Variants in INTS9 observed in about 807,000 individuals in gnomAD.
The protein encoded by INTS9 is protein related to CPSF subunits of 74 kDa.
Under a neutral mutation model 79.7 loss-of-function variants are expected in INTS9, and 55 were observed. That is an observed-to-expected ratio of 0.69 (90% CI 0.56 to 0.86). INTS9 has a LOEUF of 0.86. Ranked by LOEUF, INTS9 falls within the 40% of genes least tolerant of loss-of-function variation. The pLI, the probability that INTS9 is intolerant of heterozygous loss-of-function variation, is 0.00. For synonymous variants in INTS9, 319 were observed against 325.2 expected (o/e 0.98, Z 0.20); for missense variants, 721 against 831.5 (o/e 0.87, Z 1.64).
intron 1 of INTS9, among the ~76,000 whole-genome samples, chr8:28,868,984 A>G (rs2131329584): frequency 6.6e-6 from 1 of 152,158 alleles, no homozygotes; most frequent in South Asian, 2.1e-4. Context: ...CTTTAATCCC[A>G]GCTACTTGGG....
At chr8:28,883,477 T>C (rs1563320973) in intron 1 of INTS9, among the ~76,000 whole-genome samples, 2 of 152,176 alleles carry the variant, frequency 1.3e-5, no homozygotes, top group East Asian at 3.8e-4. Context: ...AACAGCATCA[T>C]TGGCAAGGGT....
intron 11 of INTS9, among the ~76,000 whole-genome samples, chr8:28,781,396 G>A (rs241195): frequency 0.61 from 93,315 of 152,070 alleles, 30,570 homozygotes; most frequent in Non-Finnish European, 0.73. Context: ...ACCAAATGCT[G>A]ACAAGGATAT....
chr8:28,802,921 G>A (rs1312406325), intron 8 of INTS9, among the ~76,000 whole-genome samples: 2 of 147,976 alleles, frequency 1.4e-5, no homozygotes, highest in Non-Finnish European at 3.0e-5. Flanking sequence ...ACCACCCTGG[G>A]CAACATGGTA....
At chr8:28,802,512 A>T (rs1804578830) in intron 8 of INTS9, among the ~76,000 whole-genome samples, 1 of 152,202 alleles carries the variant, frequency 6.6e-6, no homozygotes, top group South Asian at 2.1e-4. Context: ...TATGGGAAGG[A>T]AACAGCCCAT....
intron 6 of INTS9, among the ~76,000 whole-genome samples, chr8:28,827,332 C>A (rs1481807039): frequency 1.3e-5 from 2 of 152,164 alleles, no homozygotes; most frequent in Non-Finnish European, 2.9e-5. Flanking sequence ...CTTCATCCTG[C>A]CAGCAAAAGC....
chr8:28,812,248 C>T, intron 8 of INTS9, 79 bp downstream of exon 8: 1 of 1,385,724 alleles, frequency 7.2e-7, no homozygotes, highest in Non-Finnish European at 1.0e-6. Context: ...TTAAAAATGG[C>T]TGATGGTTCC....
intron 16 of INTS9, 75 bp downstream of exon 16, chr8:28,769,814 A>G (rs1802421545): frequency 3.2e-6 from 5 of 1,569,980 alleles, no homozygotes; most frequent in Non-Finnish European, 4.3e-6. Flanking sequence ...CACTCCCTGC[A>G]GCCAGGGGGC....
intron 8 of INTS9, among the ~76,000 whole-genome samples, chr8:28,805,665 T>C (rs1193690134): frequency 2.6e-5 from 4 of 151,890 alleles, no homozygotes; most frequent in East Asian, 3.8e-4. Context: ...TGAGGGGAGA[T>C]AGGGGAGATG....
At chr8:28,776,939 G>GA (rs554460189) in intron 13 of INTS9, among the ~76,000 whole-genome samples, 9 of 152,172 alleles carry the variant, frequency 5.9e-5, no homozygotes, top group Non-Finnish European at 1.0e-4. Flanking sequence ...TTGGGGTAGC[G>GA]AATCACTGTA....
rs769131992 is a variant in INTS9, at chr8:28,860,475, C to CT, written c.10-913dup. ...AATCCACTAGCAAGTCCATTCTCTC[C>CT]TTTTTTTTTTTTTTCCCTTGAGATG... On this transcript the variant is annotated intron_variant, in intron 1 of 16. Transcript: ENST00000521022. 8.2e-3 allele frequency among the ~76,000 whole-genome samples: 1,177 copies of CT among 143,854 alleles called. 12 individuals are homozygous for CT. The highest frequency in any genetic ancestry group is 0.015 in the African/African-American group (579 of 39,532). 94.4% of individuals were successfully genotyped at this position (143,854 alleles called of 152,430 possible). A position where few individuals can be genotyped will look rare whatever the true frequency, so the allele number is the denominator to read the frequency against.
chr8:28,782,599 T>C (rs1803346778), intron 11 of INTS9, among the ~76,000 whole-genome samples: 1 of 152,240 alleles, frequency 6.6e-6, no homozygotes, highest in East Asian at 1.9e-4. Flanking sequence ...AGAAATGTGA[T>C]GTCCTGGTAA....
intron 4 of INTS9, 38 bp from the exon 5 acceptor site, chr8:28,837,814 G>A: frequency 6.4e-7 from 1 of 1,570,896 alleles, no homozygotes; most frequent in East Asian, 2.3e-5. Flanking sequence ...TATCTGTTCA[G>A]GGATCGATCA....
intron 6 of INTS9, among the ~76,000 whole-genome samples, chr8:28,819,966 G>A (rs543327382): frequency 0.025 from 3,731 of 152,248 alleles, 60 homozygotes; most frequent in Non-Finnish European, 0.037. Flanking sequence ...CAGAGACAAG[G>A]ATTGCAACCC....
At chr8:28,843,726 C>T (rs1210908283) in intron 4 of INTS9, among the ~76,000 whole-genome samples, 1 of 151,250 alleles carries the variant, frequency 6.6e-6, no homozygotes, top group East Asian at 1.9e-4. Context: ...TTTCTTCTTC[C>T]TTTTTCTTTT....
chr8:28,768,828 T>C (rs1802360025), intron 16 of INTS9, among the ~76,000 whole-genome samples: 2 of 152,242 alleles, frequency 1.3e-5, no homozygotes, highest in African/African-American at 4.8e-5. Flanking sequence ...AAAGGAGGCA[T>C]GTGCCTGAAA....
chr8:28,849,580 C>T (rs1202343463), intron 3 of INTS9, among the ~76,000 whole-genome samples: 1 of 151,750 alleles, frequency 6.6e-6, no homozygotes, highest in African/African-American at 2.4e-5. Context: ...GTGTCGGAGA[C>T]CCACTACTCA....
At chr8:28,861,928 A>C (rs890289665) in intron 1 of INTS9, 5 of 208,424 alleles carry the variant, frequency 2.4e-5, no homozygotes, top group Admixed American at 2.0e-4. Flanking sequence ...ATAGATGAGA[A>C]GGTTGAGCTC....
At chr8:28,799,941 A>G (rs894407182) in intron 8 of INTS9, among the ~76,000 whole-genome samples, 8 of 152,034 alleles carry the variant, frequency 5.3e-5, no homozygotes, top group African/African-American at 1.9e-4. Context: ...TTAATACTCA[A>G]TTTCAACAGC....
At chr8:28,769,868 G>C (rs1802425298) in intron 16 of INTS9, 21 bp downstream of exon 16, 6 of 1,612,482 alleles carry the variant, frequency 3.7e-6, no homozygotes, top group Admixed American at 3.3e-5. Flanking sequence ...AGTTTTCACG[G>C]CACCAGCGAA....
Sources: gnomAD v4.1 joint callset for allele counts (sites outside exome capture counted in the v4.1 genomes callset) on GRCh38, gnomAD v4.1.1 for gene constraint, MANE v1.5 for transcripts, NCBI Gene and HGNC (gene_info 2026-07-23, HGNC 2026-07-21) for gene names.